Variants in ITGA1 observed in about 807,000 individuals in gnomAD.
ITGA1 encodes integrin alpha-1.
ITGA1 carries 85 observed loss-of-function variants against 145.9 expected under a neutral mutation model. The observed-to-expected ratio is 0.58, with a 90% CI of 0.49 to 0.70. The LOEUF (loss-of-function observed/expected upper bound fraction) is 0.70. Among genes scored for constraint, ITGA1 ranks in the 30% least tolerant of loss-of-function variants. ITGA1 has a pLI of 0.00. For synonymous variants in ITGA1, 520 were observed against 495.3 expected (o/e 1.05, Z -0.66); for missense variants, 1,351 against 1,418.7 (o/e 0.95, Z 0.77).
chr5:52,940,982 C>G (rs1173945557), intron 26 of ITGA1, among the ~76,000 whole-genome samples: 1 of 152,078 alleles, frequency 6.6e-6, no homozygotes, highest in Non-Finnish European at 1.5e-5. Context: ...ATCTTTATAT[C>G]CATGAGTACC....
At chr5:52,918,976 T>C (rs1750691238) in intron 16 of ITGA1, 78 bp downstream of exon 16, 1 of 1,221,156 alleles carries the variant, frequency 8.2e-7, no homozygotes, top group South Asian at 1.8e-5. Flanking sequence ...TCCAGTAGGA[T>C]ATTGTATTTT....
chr5:52,883,729 A>T (rs1335995862), intron 7 of ITGA1, among the ~76,000 whole-genome samples: 3 of 152,198 alleles, frequency 2.0e-5, no homozygotes, highest in South Asian at 4.1e-4. Flanking sequence ...TCTTGAAGAA[A>T]GGGACACTCT....
chr5:52,812,985 G>A (rs12653042), intron 1 of ITGA1, among the ~76,000 whole-genome samples: 43,928 of 151,598 alleles, frequency 0.29, 7,624 homozygotes, highest in South Asian at 0.43. Context: ...CTCAACATGA[G>A]ACAGGCTACC....
chr5:52,820,350 A>G (rs1452169186), intron 1 of ITGA1, among the ~76,000 whole-genome samples: 1 of 79,640 alleles, frequency 1.3e-5, no homozygotes, highest in East Asian at 4.0e-4. Context: ...AGGAAGGGGA[A>G]CATCACACAT....
At chr5:52,866,536 T>C (rs1214461649) in intron 6 of ITGA1, among the ~76,000 whole-genome samples, 2 of 152,198 alleles carry the variant, frequency 1.3e-5, no homozygotes, top group Non-Finnish European at 2.9e-5. Context: ...TCTCATATTA[T>C]ACAAATAAGT....
intron 1 of ITGA1, among the ~76,000 whole-genome samples, chr5:52,846,125 G>A (rs1214501929): frequency 6.6e-6 from 1 of 152,148 alleles, no homozygotes; most frequent in East Asian, 1.9e-4. Flanking sequence ...TGGCGGCCGG[G>A]CGCAGTGACT....
intron 23 of ITGA1, among the ~76,000 whole-genome samples, chr5:52,935,957 CTTTTTTTTTT>C (rs763649629): frequency 2.1e-4 from 2 of 9,548 alleles, no homozygotes; most frequent in Non-Finnish European, 3.6e-4. Context: ...CACAGGATTT[CTTTTTTTTTT>C]TTTTTTTTTT....
intron 1 of ITGA1, among the ~76,000 whole-genome samples, chr5:52,817,170 G>A (rs187453688): frequency 4.3e-4 from 65 of 152,194 alleles, no homozygotes; most frequent in Non-Finnish European, 8.4e-4. Context: ...TAATCTTTTC[G>A]AAACTTGTTT....
chr5:52,854,937 T>A (rs1749490288), intron 2 of ITGA1, among the ~76,000 whole-genome samples: 1 of 152,192 alleles, frequency 6.6e-6, no homozygotes, highest in African/African-American at 2.4e-5. Flanking sequence ...CTTCTCAGTC[T>A]GCATACAGGT....
intron 14 of ITGA1, among the ~76,000 whole-genome samples, chr5:52,911,993 T>TATATCTA (rs1554046457): frequency 1.1e-5 from 1 of 91,110 alleles, no homozygotes; most frequent in African/African-American, 5.0e-5. Flanking sequence ...ATATGTATAG[T>TATATCTA]GTGTATCTAC....
At chr5:52,798,381 C>T (rs1400093577) in intron 1 of ITGA1, among the ~76,000 whole-genome samples, 3 of 138,978 alleles carry the variant, frequency 2.2e-5, no homozygotes, top group African/African-American at 8.2e-5. Flanking sequence ...GGGGACCTTT[C>T]CGTCCCCTGA....
At chr5:52,920,214 A>C in intron 16 of ITGA1, 118 bp from the exon 17 acceptor site, 1 of 748,156 alleles carries the variant, frequency 1.3e-6, no homozygotes, top group South Asian at 2.1e-5. Flanking sequence ...TGAACAATAG[A>C]ATCTTTTTTG....
rs185141743 is a variant in ITGA1, at chr5:52,893,088, C to T, written c.925-587C>T. Among the ~76,000 whole-genome samples the T allele has an allele frequency of 3.0e-4, 45 of 152,200 alleles. No homozygotes were observed. The East Asian group carries it at 8.1e-3, about 27-fold the overall frequency. On this transcript the variant is annotated intron_variant, in intron 8 of 28. Coordinates refer to ENST00000282588, the MANE Select transcript of ITGA1 (RefSeq NM_181501.2). Reference sequence around the variant, plus strand: ...TAACAATCATATATAACTCCTGCTTCTCTCTCCTCTTCATAAAAAAGAATG... The same window carrying T: ...TAACAATCATATATAACTCCTGCTTTTCTCTCCTCTTCATAAAAAAGAATG...
At chr5:52,849,079 TTGCA>T (rs1429216593) in intron 1 of ITGA1, among the ~76,000 whole-genome samples, 1 of 152,178 alleles carries the variant, frequency 6.6e-6, no homozygotes, top group Non-Finnish European at 1.5e-5. Context: ...TTATAATCCT[TTGCA>T]TATATACCCA....
intron 24 of ITGA1, among the ~76,000 whole-genome samples, chr5:52,937,801 C>T (rs1269918632): frequency 6.6e-6 from 1 of 152,196 alleles, no homozygotes; most frequent in African/African-American, 2.4e-5. Flanking sequence ...CCTCTGGAGG[C>T]TCCAAGAGAG....
intron 11 of ITGA1, among the ~76,000 whole-genome samples, chr5:52,898,816 T>C (rs569110199): frequency 7.0e-4 from 106 of 152,294 alleles, no homozygotes; most frequent in African/African-American, 2.4e-3. Flanking sequence ...GGTCCTAATT[T>C]GGGAAAAGAA....
intron 1 of ITGA1, among the ~76,000 whole-genome samples, chr5:52,794,697 T>C (rs1748307657): frequency 6.6e-6 from 1 of 151,872 alleles, no homozygotes; most frequent in South Asian, 2.1e-4. Flanking sequence ...ACTTTCCCTT[T>C]TACCCTTTTG....
intron 26 of ITGA1, among the ~76,000 whole-genome samples, 199 bp downstream of exon 26, chr5:52,940,143 C>T (rs147961230): frequency 4.5e-4 from 68 of 152,254 alleles, no homozygotes; most frequent in African/African-American, 1.5e-3. Flanking sequence ...TAAGATATTA[C>T]CAAGGTCCCC....
intron 1 of ITGA1, among the ~76,000 whole-genome samples, chr5:52,844,398 C>T (rs964980582): frequency 2.6e-5 from 4 of 152,192 alleles, no homozygotes; most frequent in East Asian, 1.9e-4. Flanking sequence ...CTTCTAAGCT[C>T]ATCCTCATAT....
Sources: gnomAD v4.1 joint callset for allele counts (sites outside exome capture counted in the v4.1 genomes callset) on GRCh38, gnomAD v4.1.1 for gene constraint, MANE v1.5 for transcripts, NCBI Gene and HGNC (gene_info 2026-07-23, HGNC 2026-07-21) for gene names.